The following OR2H1 variants were observed in gnomAD, a reference collection of about 807,000 sequenced individuals.
OR2H1 encodes the protein olfactory receptor family 2 subfamily H member 1, also known as olfactory receptor 2H1.
For missense variants in OR2H1, 380 were observed against 367.3 expected (o/e 1.03, Z -0.28); for synonymous variants, 155 against 155.2 (o/e 1.00, Z 0.01).
intron 1 of OR2H1, among the ~76,000 whole-genome samples, chr6:29,457,533 G>T (rs961110149): frequency 1.3e-5 from 2 of 152,182 alleles, no homozygotes; most frequent in Non-Finnish European, 2.9e-5. Flanking sequence ...CCTAGAGCAT[G>T]GGGAGAATTA....
Position 29,462,065 on chromosome 6 carries a change from T to A in OR2H1, c.296T>A (p.Leu99His). 1 of 1,613,566 alleles carries A rather than the reference T, an allele frequency of 6.2e-7. No homozygotes were observed. Among genetic ancestry groups the A allele is most frequent in the Non-Finnish European group, 8.5e-7 (1 of 1,180,036 alleles). Residue 99 changes from leucine to histidine, a missense_variant, in exon 4 of 4, where the codon CTC becomes CAC. Leu to His is a moderately conservative substitution (Grantham distance 99). Coordinates refer to ENST00000377133, the MANE Select transcript of OR2H1 (RefSeq NM_030883.5). ...TISFLGCSVQ[L>H]FIFLSLGTTE... is the part of the protein sequence containing the mutation. ...AGCTTCCTGGGATGCTCTGTCCAGC[T>A]CTTCATCTTCCTGTCCCTGGGGACC...
Position 29,463,168 on chromosome 6 carries a change from T to G in OR2H1, c.*448T>G. On this transcript the variant is annotated 3_prime_UTR_variant, in exon 4 of 4. Coordinates refer to ENST00000377133, the MANE Select transcript of OR2H1 (RefSeq NM_030883.5). Reference sequence around the variant, plus strand: ...GCTTGAAGAACAGCTAATCTGAGATTTAGAAGAATGCTTTTTGATCCTCCT... The same window carrying G: ...GCTTGAAGAACAGCTAATCTGAGATGTAGAAGAATGCTTTTTGATCCTCCT... The G allele has an allele frequency of 5.5e-6, 1 of 181,912 alleles. No individual in the cohort carries two copies. The allele number at this position is 181,912 out of a possible 1,614,324, so 11.3% of individuals were successfully genotyped here.
In OR2H1 at chr6:29,462,784, C is replaced by T; in HGVS notation, c.*64C>T. 3 of 1,225,636 alleles carry T rather than the reference C, an allele frequency of 2.4e-6. No homozygotes were observed. Among genetic ancestry groups the T allele is most frequent in the South Asian group, 2.9e-5 (2 of 69,058 alleles). The allele number at this position is 1,225,636 out of a possible 1,614,324, so 75.9% of individuals were successfully genotyped here. On this transcript the variant is annotated 3_prime_UTR_variant, in exon 4 of 4. Transcript: ENST00000377133. The stretch of plus-strand genomic sequence containing the variant: ...TGAACATGTTAAGTTTTCCAGACTA[C>T]TACCCTTCCCACATACACCTGAGCC...
At position 29,461,838 on chromosome 6, in the gene OR2H1, G is replaced by C; in HGVS notation, c.69G>C (p.Arg23Ser). The C allele has an allele frequency of 6.2e-7, 1 of 1,613,016 alleles. No homozygotes were observed. The highest frequency in any genetic ancestry group is 8.5e-7 in the Non-Finnish European group (1 of 1,180,018). The stretch of plus-strand genomic sequence containing the variant: ...TCTCTGAACACCCAGCACTGGAAAG[G>C]ACTCTCTTTGTGGTTGTCTTCACTT... ...LGFSEHPALERTLFVVVFTSY... is the reference protein window; with the variant it reads ...LGFSEHPALESTLFVVVFTSY... Residue 23 changes from arginine to serine, a missense_variant, in exon 4 of 4, where the codon AGG (arginine) becomes AGC (serine). Transcript: ENST00000377133.
chr6:29,462,607 A>C lies in OR2H1; in HGVS notation c.838A>C (p.Thr280Pro), dbSNP rs773034274. ...CTTTGGTCTCTTCTATGCAGTGGGC[A>C]CTCCTTCACTTAACCCTCTCGTATA... ...KFFGLFYAVGTPSLNPLVYTL... is the reference protein window; with the variant it reads ...KFFGLFYAVGPPSLNPLVYTL... Residue 280 changes from threonine to proline, a missense_variant, in exon 4 of 4, where the codon ACT (threonine) becomes CCT (proline). Thr to Pro is a conservative substitution (Grantham distance 38, BLOSUM62 -1). Transcript: ENST00000377133. 2 of 1,612,908 alleles carry C rather than the reference A, an allele frequency of 1.2e-6. No individual in the cohort carries two copies. Among genetic ancestry groups the C allele is most frequent in the African/African-American group, 2.7e-5 (2 of 74,994 alleles).
At position 29,459,067 on chromosome 6, in the gene OR2H1, C is replaced by A. The variant is rs150439035; in HGVS notation, c.-327+498C>A. 1.3e-3 allele frequency among the ~76,000 whole-genome samples: 202 copies of A among 152,090 alleles called. 6 individuals are homozygous for A. The South Asian group carries it at 0.037, about 28-fold the overall frequency. ...ATTAAAGATAGAAAATAGGAGAGTG[C>A]AGAGGGTCAAAGGAAGATATAAACT... On this transcript the variant is annotated intron_variant, in intron 2 of 3. Transcript: ENST00000377133.
rs1328210338 is a variant in OR2H1 at position 29,464,007 on chromosome 6, A to G, written c.*1287A>G. 2 of 166,968 alleles carry G rather than the reference A, an allele frequency of 1.2e-5. No individual in the cohort carries two copies. Among genetic ancestry groups the G allele is most frequent in the East Asian group, 3.8e-4 (2 of 5,202 alleles). The allele number at this position is 166,968 out of a possible 1,614,324, so 10.3% of individuals were successfully genotyped here. The stretch of plus-strand genomic sequence containing the variant: ...TTCAACATATGAATTTTGGAAGGAC[A>G]TAAGCATTCAACCCCCTGCACATGT... On this transcript the variant is annotated 3_prime_UTR_variant, in exon 4 of 4. Transcript: ENST00000377133.
chr6:29,461,836 A>C lies in OR2H1; in HGVS notation c.67A>C (p.Arg23=), dbSNP rs1400816565. 6 of 1,612,934 alleles carry C rather than the reference A, an allele frequency of 3.7e-6. No homozygotes were observed. The highest frequency in any genetic ancestry group is 5.1e-6 in the Non-Finnish European group (6 of 1,180,038). The change falls in exon 4 of 4, where the codon AGG becomes CGG. Residue 23 remains arginine (R), a synonymous_variant. Coordinates refer to ENST00000377133, the MANE Select transcript of OR2H1 (RefSeq NM_030883.5). ...LGFSEHPALE[R]TLFVVVFTSY... is the part of the protein sequence containing the mutation. ...CTTCTCTGAACACCCAGCACTGGAA[A>C]GGACTCTCTTTGTGGTTGTCTTCAC...
chr6:29,458,507 A>G lies in OR2H1; in HGVS notation c.-389A>G, dbSNP rs895384167. On this transcript the variant is annotated 5_prime_UTR_variant, in exon 2 of 4. Transcript: ENST00000377133. ...CAAGTGGAGGCTCCAACCAGTCCAG[A>G]AGTTCCTTTCTATGGGGAAGCTGTG... The G allele has an allele frequency of 6.6e-6, 1 of 152,252 alleles. No individual in the cohort carries two copies. Among genetic ancestry groups the G allele is most frequent in the Non-Finnish European group, 1.5e-5 (1 of 68,056 alleles). 9.4% of individuals were successfully genotyped at this position (152,252 alleles called of 1,614,324 possible).
chr6:29,460,547 T>A (rs1448008281), intron 3 of OR2H1, 93 bp downstream of exon 3: 1 of 152,080 alleles, frequency 6.6e-6, no homozygotes, highest in Non-Finnish European at 1.5e-5. Context: ...TTGGCTTTCC[T>A]GTATTTAGTA....
In OR2H1 at chr6:29,463,585, G is replaced by T. The variant is rs181476385; in HGVS notation, c.*865G>T. ...ATATCTTCTCCAGCCAAATCAGCTA[G>T]GCCATGGCCTTGCCTTGCTTCTCAT... On this transcript the variant is annotated 3_prime_UTR_variant, in exon 4 of 4. Coordinates refer to ENST00000377133, the MANE Select transcript of OR2H1 (RefSeq NM_030883.5). 1.3e-3 allele frequency: 225 copies of T among 167,200 alleles called. No individual in the cohort carries two copies. Among genetic ancestry groups the T allele is most frequent in the Non-Finnish European group, 2.3e-3 (160 of 68,122 alleles). 10.4% of individuals were successfully genotyped at this position (167,200 alleles called of 1,614,324 possible). A position where few individuals can be genotyped will look rare whatever the true frequency, so the allele number is the denominator to read the frequency against.
Position 29,462,669 on chromosome 6 carries a change from G to A in OR2H1, c.900G>A (p.Arg300=), listed in dbSNP as rs756395703. 4 of 1,613,030 alleles carry A rather than the reference G, an allele frequency of 2.5e-6. No individual in the cohort carries two copies. Among genetic ancestry groups the A allele is most frequent in the Middle Eastern group, 1.6e-4 (1 of 6,062 alleles). ...ACAAGGAGATAAAGCGAGCACTCAG[G>A]AGGTTACTAGGGAAGGAAAGAGACT... The part of the protein sequence containing the change: ...LRNKEIKRAL[R]RLLGKERDSR... The change falls in exon 4 of 4, where the codon AGG becomes AGA. Residue 300 remains arginine (R), a synonymous_variant. Coordinates refer to ENST00000377133, the MANE Select transcript of OR2H1 (RefSeq NM_030883.5).
At chr6:29,459,893 A>T (rs1232762076) in intron 2 of OR2H1, 1 of 152,090 alleles carries the variant, frequency 6.6e-6, no homozygotes, top group Non-Finnish European at 1.5e-5. Flanking sequence ...CCCACACCTC[A>T]TCTTAATTTA....
In OR2H1 at chr6:29,462,493, C is replaced by G; in HGVS notation, c.724C>G (p.His242Asp). 1.2e-6 allele frequency: 2 copies of G among 1,613,092 alleles called. No individual in the cohort carries two copies. Among genetic ancestry groups the G allele is most frequent in the African/African-American group, 1.3e-5 (1 of 75,048 alleles). Residue 242 changes from histidine to aspartate, a missense_variant, in exon 4 of 4, where the codon CAT (histidine) becomes GAT (aspartate). Transcript: ENST00000377133. ...WRKAFGTCSS[H>D]LTVVTLFYSS... ...AAAGGCCTTTGGGACCTGCTCCTCC[C>G]ATCTCACTGTGGTCACCCTCTTCTA... is the stretch of plus-strand genomic sequence containing the variant.
intron 2 of OR2H1, 37 bp from the exon 3 acceptor site, chr6:29,460,367 C>T (rs970004891): frequency 1.4e-5 from 2 of 141,760 alleles, no homozygotes; most frequent in African/African-American, 5.7e-5. Flanking sequence ...CACCACACCC[C>T]GCTAATTTTT....
At chr6:29,460,930 G>A (rs1025987101) in intron 3 of OR2H1, 4 of 151,640 alleles carry the variant, frequency 2.6e-5, no homozygotes, top group African/African-American at 7.3e-5. Context: ...TTTTGCTATT[G>A]ACATAATCTT....
chr6:29,460,520 A>G (rs1043910425), intron 3 of OR2H1, 66 bp downstream of exon 3: 2 of 151,876 alleles, frequency 1.3e-5, no homozygotes, highest in African/African-American at 4.8e-5. Context: ...CACCCGGCCA[A>G]TAATACTTTA....
Position 29,460,717 on chromosome 6 carries a change from A to T in OR2H1, c.-276+263A>T, listed in dbSNP as rs1233946409. Among the ~76,000 whole-genome samples the T allele has an allele frequency of 2.0e-5, 3 of 152,330 alleles. No individual in the cohort carries two copies. In the East Asian group the frequency reaches 5.8e-4, roughly 29 times the overall value. ...TAAAAATGTCAAGTGTTAGCACTTT[A>T]CTAATATAGATAAAGAACATTCAGA... On this transcript the variant is annotated intron_variant, in intron 3 of 3. Coordinates refer to ENST00000377133, the MANE Select transcript of OR2H1 (RefSeq NM_030883.5).
intron 2 of OR2H1, among the ~76,000 whole-genome samples, 156 bp downstream of exon 2, chr6:29,458,725 G>A (rs1786816815): frequency 6.6e-6 from 1 of 152,184 alleles, no homozygotes; most frequent in African/African-American, 2.4e-5. Flanking sequence ...TTGTTCTTCT[G>A]CAGAGATATT....
Sources: allele counts gnomAD v4.1 joint callset (sites outside exome capture counted in the v4.1 genomes callset), GRCh38; gene constraint gnomAD v4.1.1; transcripts MANE v1.5; gene names NCBI Gene and HGNC (gene_info 2026-07-23, HGNC 2026-07-21).